PDE3B: variants seen among roughly 807,000 people sequenced by gnomAD.
PDE3B encodes cGMP-inhibited 3',5'-cyclic phosphodiesterase 3B.
A neutral mutation model predicts 116.8 loss-of-function variants in PDE3B; 66 were observed. That is an observed-to-expected ratio of 0.56 (90% confidence interval 0.46 to 0.69). PDE3B has a LOEUF of 0.69. Among genes scored for constraint, PDE3B ranks in the 30% least tolerant of loss-of-function variants. PDE3B has a pLI of 0.00. For missense variants in PDE3B, 1,384 were observed against 1,368.1 expected, an observed-to-expected ratio of 1.01 and a Z score of -0.18; for synonymous variants, 595 against 533.6, an observed-to-expected ratio of 1.12 and a Z score of -1.59.
chr11:14,860,398 T>C (rs1170104894), intron 13 of PDE3B, among the ~76,000 whole-genome samples: 1 of 152,104 alleles, frequency 6.6e-6, no homozygotes, highest in Non-Finnish European at 1.5e-5. Flanking sequence ...TGAAAGAGTT[T>C]GGTGCCAAAA....
chr11:14,892,079 G>GC, the PDE3B span: 1 of 1,611,752 alleles, frequency 6.2e-7, no homozygotes, highest in Non-Finnish European at 8.5e-7. Flanking sequence ...AGCCCCGGCG[G>GC]CCCCGGGGGG....
chr11:14,696,922 G>C (rs1855223001), intron 1 of PDE3B, among the ~76,000 whole-genome samples: 2 of 152,014 alleles, frequency 1.3e-5, no homozygotes, highest in Admixed American at 6.6e-5. Flanking sequence ...TTTTGTTCTA[G>C]AAGTTTTATA....
At chr11:14,734,267 C>A (rs1856537932) in intron 1 of PDE3B, among the ~76,000 whole-genome samples, 1 of 152,102 alleles carries the variant, frequency 6.6e-6, no homozygotes, top group South Asian at 2.1e-4. Context: ...AATTGGGGGT[C>A]CCACTGTGTT....
At chr11:14,766,294 A>C (rs919584609) in intron 1 of PDE3B, among the ~76,000 whole-genome samples, 3 of 151,516 alleles carry the variant, frequency 2.0e-5, no homozygotes, top group Non-Finnish European at 4.4e-5. Flanking sequence ...CCAAAATTAT[A>C]ATTTATGAGG....
At chr11:14,817,741 C>CA (rs1251847839) in intron 5 of PDE3B, among the ~76,000 whole-genome samples, 1 of 150,986 alleles carries the variant, frequency 6.6e-6, no homozygotes, top group African/African-American at 2.4e-5. Flanking sequence ...ATCTCACAGA[C>CA]AAAAAAAGAG....
chr11:14,794,339 C>A (rs1319701333), intron 4 of PDE3B, among the ~76,000 whole-genome samples: 2 of 144,066 alleles, frequency 1.4e-5, no homozygotes, highest in East Asian at 4.0e-4. Context: ...TTTTTTGAGA[C>A]AGAGTCTCAC....
chr11:14,761,334 A>G (rs1368924846), intron 1 of PDE3B, among the ~76,000 whole-genome samples: 1 of 152,184 alleles, frequency 6.6e-6, no homozygotes, highest in African/African-American at 2.4e-5. Context: ...CACATTGAAC[A>G]GTAGTTAGAC....
rs534042887 is a variant in PDE3B, at chr11:14,796,712, G to T, written c.1416-7232G>T. Among the ~76,000 whole-genome samples the T allele has an allele frequency of 2.0e-5, 3 of 151,964 alleles. No individual in the cohort carries two copies. The South Asian group carries it at 6.2e-4, about 32-fold the overall frequency. On this transcript the variant is annotated intron_variant, in intron 4 of 15. Transcript: ENST00000282096. ...TATCTTTTGCCCACTTTTTGATGGG[G>T]TTGTATTTTTCTTGTAAATTTGTTT...
At chr11:14,895,657 G>A in the PDE3B span, among the ~76,000 whole-genome samples, 3 of 152,200 alleles carry the variant, frequency 2.0e-5, no homozygotes, top group Non-Finnish European at 4.4e-5. Context: ...TTCTGGGTGA[G>A]ATTAGGAACC....
At chr11:14,876,596 T>A (rs1489675995), downstream of PDE3B, among the ~76,000 whole-genome samples, 4 of 152,124 alleles carry the variant, frequency 2.6e-5, no homozygotes, top group Admixed American at 2.0e-4. Context: ...AGTTTTAAAT[T>A]AATGGATGGG....
intron 1 of PDE3B, among the ~76,000 whole-genome samples, chr11:14,728,887 A>G (rs969786927): frequency 3.5e-4 from 53 of 152,162 alleles, no homozygotes; most frequent in African/African-American, 1.1e-3. Context: ...AGAATAATTA[A>G]AAGTAATTAT....
At chr11:14,679,570 C>CT (rs1464069658) in intron 1 of PDE3B, among the ~76,000 whole-genome samples, 1 of 151,936 alleles carries the variant, frequency 6.6e-6, no homozygotes, top group Non-Finnish European at 1.5e-5. Context: ...AGTGGAATCT[C>CT]TTCTTCACTC....
Position 14,843,886 on chromosome 11 carries a change from A to T in PDE3B, c.2380A>T (p.Asn794Tyr). ...IAYISSKSCS[N>Y]PDESYGCLSS... ...TTATATTTCTTCGAAGAGCTGCTCT[A>T]ATCCTGATGAGAGTTATGGCTGCCT... is the stretch of plus-strand genomic sequence containing the variant. Residue 794 changes from asparagine to tyrosine, a missense_variant, in exon 12 of 16, where the codon AAT (asparagine) becomes TAT (tyrosine). Asn to Tyr is a moderately radical substitution (Grantham distance 143). Around this residue, in one of 2 missense-constraint regions of PDE3B, gnomAD observed 428 missense variants for 561.4 expected, o/e 0.76. Coordinates refer to ENST00000282096, the MANE Select transcript of PDE3B (RefSeq NM_000922.4). 1 of 1,614,064 alleles carries T rather than the reference A, an allele frequency of 6.2e-7. No homozygotes were observed. Among genetic ancestry groups the T allele is most frequent in the Non-Finnish European group, 8.5e-7 (1 of 1,179,904 alleles).
intron 1 of PDE3B, among the ~76,000 whole-genome samples, chr11:14,676,650 A>G (rs1854538946): frequency 1.3e-5 from 2 of 152,120 alleles, no homozygotes; most frequent in African/African-American, 4.8e-5. Context: ...CAATTACTTT[A>G]TAAAAAAGTA....
the PDE3B span, chr11:14,880,207 G>A: frequency 6.2e-7 from 1 of 1,612,990 alleles, no homozygotes; most frequent in Non-Finnish European, 8.5e-7. Flanking sequence ...TTCAGTTCCA[G>A]CAATGATGAG....
chr11:14,879,433 C>T, the PDE3B span: 1 of 1,601,290 alleles, frequency 6.2e-7, no homozygotes, highest in Non-Finnish European at 8.5e-7. Flanking sequence ...CAATCTCTTT[C>T]TGAACTTGTC....
chr11:14,701,085 C>T (rs1397420667), intron 1 of PDE3B, among the ~76,000 whole-genome samples: 1 of 151,608 alleles, frequency 6.6e-6, no homozygotes, highest in Non-Finnish European at 1.5e-5. Context: ...AATATTAATT[C>T]TGTAAAACAT....
rs528768615 is a variant in PDE3B, at chr11:14,816,433, A to C, written c.1523-1750A>C. On this transcript the variant is annotated intron_variant, in intron 5 of 15. Transcript: ENST00000282096. Reference sequence around the variant, plus strand: ...GACTTTACTTGGGTCTTTATTTTCAAATAAGGTTATAAATCTGCCTGCATC... The same window carrying C: ...GACTTTACTTGGGTCTTTATTTTCACATAAGGTTATAAATCTGCCTGCATC... Among the ~76,000 whole-genome samples the C allele has an allele frequency of 1.6e-4, 25 of 152,296 alleles. 1 individual carries two copies. The South Asian group carries it at 4.8e-3, about 29-fold the overall frequency.
rs377316293 is a variant in PDE3B, at chr11:14,709,327, A to AT, written c.979-62606dup. On this transcript the variant is annotated intron_variant, in intron 1 of 15. Transcript: ENST00000282096. ...GAGGATACTTACCATGTTTTATTGAATTTTAACGTGCACATTTTTTTTCAC... is the reference window on the plus strand; with the variant it reads ...GAGGATACTTACCATGTTTTATTGAATTTTTAACGTGCACATTTTTTTTCAC... Among the ~76,000 whole-genome samples the AT allele has an allele frequency of 1.9e-3, 289 of 152,222 alleles. 1 individual carries two copies. Among genetic ancestry groups the AT allele is most frequent in the African/African-American group, 6.4e-3 (265 of 41,536 alleles).
Sources: gnomAD v4.1 joint callset for allele counts (sites outside exome capture counted in the v4.1 genomes callset) on GRCh38, gnomAD v4.1.1 for gene constraint, gnomAD v4.1.1 regional missense constraint, MANE v1.5 for transcripts, NCBI Gene and HGNC (gene_info 2026-07-23, HGNC 2026-07-21) for gene names.